KCND2: variants seen among roughly 807,000 people sequenced by gnomAD.
The protein encoded by KCND2 is A-type voltage-gated potassium channel KCND2.
KCND2 carries 16 observed loss-of-function variants against 54.4 expected under a neutral mutation model. The observed-to-expected ratio is 0.29, with a 90% CI of 0.20 to 0.45. The LOEUF is 0.45. Ranked by LOEUF, KCND2 falls within the 20% of genes least tolerant of loss-of-function variation. The pLI, the probability that KCND2 is intolerant of heterozygous loss-of-function variation, is 1.00. For synonymous variants in KCND2, 317 were observed against 310.7 expected (o/e 1.02, Z -0.21); for missense variants, 486 against 824.2 (o/e 0.59, Z 5.02).
At chr7:120,358,402 A>G (rs1277488206) in intron 1 of KCND2, among the ~76,000 whole-genome samples, 1 of 152,152 alleles carries the variant, frequency 6.6e-6, no homozygotes, top group East Asian at 1.9e-4. Context: ...GTGAAACTAA[A>G]ATGATCTGTT....
At chr7:120,493,391 T>A (rs1802810688) in intron 1 of KCND2, among the ~76,000 whole-genome samples, 2 of 152,134 alleles carry the variant, frequency 1.3e-5, no homozygotes, top group East Asian at 3.9e-4. Context: ...AATTGAATTA[T>A]GATACTAATC....
At chr7:120,709,624 A>G (rs1336997649) in intron 1 of KCND2, among the ~76,000 whole-genome samples, 2 of 152,174 alleles carry the variant, frequency 1.3e-5, no homozygotes, top group Admixed American at 6.5e-5. Flanking sequence ...AAGTAACAGG[A>G]GTAAGAAAAC....
chr7:120,692,381 CTTTT>C (rs889608786), intron 1 of KCND2, among the ~76,000 whole-genome samples: 1 of 151,992 alleles, frequency 6.6e-6, no homozygotes, highest in Non-Finnish European at 1.5e-5. Flanking sequence ...TTAATACAAA[CTTTT>C]TTTTAGTTAT....
intron 1 of KCND2, among the ~76,000 whole-genome samples, chr7:120,334,032 G>A (rs773922221): frequency 1.3e-5 from 2 of 152,020 alleles, no homozygotes. Context: ...ATAGAAATTG[G>A]GTTCTTGAGG....
chr7:120,541,151 T>G (rs776119929), intron 1 of KCND2, among the ~76,000 whole-genome samples: 18 of 152,190 alleles, frequency 1.2e-4, no homozygotes, highest in Non-Finnish European at 2.1e-4. Flanking sequence ...TGTTATTAGA[T>G]TCAAAAATCA....
At chr7:120,566,791 A>G (rs1792304330) in intron 1 of KCND2, among the ~76,000 whole-genome samples, 1 of 151,578 alleles carries the variant, frequency 6.6e-6, no homozygotes, top group East Asian at 1.9e-4. Context: ...TATCCCCCAT[A>G]TATTTATTAT....
chr7:120,275,890 A>T, intron 1 of KCND2, 143 bp downstream of exon 1: 1 of 905,816 alleles, frequency 1.1e-6, no homozygotes, highest in African/African-American at 1.7e-5. Context: ...GGTTTGGCAA[A>T]ACTCTTTTCA....
intron 1 of KCND2, among the ~76,000 whole-genome samples, chr7:120,643,784 C>A (rs1351672163): frequency 6.6e-6 from 1 of 150,786 alleles, no homozygotes; most frequent in Non-Finnish European, 1.5e-5. Flanking sequence ...ACTATTTTAA[C>A]CATGAGTGAA....
chr7:120,621,276 C>CAAAAAAAAAAAAAAAAAAAA (rs1175736454), intron 1 of KCND2, among the ~76,000 whole-genome samples: 2 of 47,192 alleles, frequency 4.2e-5, no homozygotes, highest in African/African-American at 1.4e-4. Flanking sequence ...GACTCCGTCT[C>CAAAAAAAAAAAAAAAAAAAA]AAAAAAAAAA....
intron 1 of KCND2, among the ~76,000 whole-genome samples, chr7:120,504,527 T>A (rs1802986971): frequency 1.3e-5 from 2 of 151,916 alleles, no homozygotes; most frequent in African/African-American, 4.8e-5. Flanking sequence ...TAATTGTTAG[T>A]TGGTTTTAAT....
At chr7:120,463,197 G>T (rs1003793898) in intron 1 of KCND2, among the ~76,000 whole-genome samples, 1 of 151,756 alleles carries the variant, frequency 6.6e-6, no homozygotes, top group African/African-American at 2.4e-5. Flanking sequence ...TTAAACCTTG[G>T]CAAGTATATT....
intron 1 of KCND2, among the ~76,000 whole-genome samples, chr7:120,623,349 C>T (rs142620500): frequency 6.8e-4 from 104 of 152,262 alleles, no homozygotes; most frequent in African/African-American, 2.4e-3. Flanking sequence ...TCCCCTATCC[C>T]CTACAACTTT....
intron 1 of KCND2, among the ~76,000 whole-genome samples, chr7:120,609,000 T>C (rs1488747981): frequency 6.6e-6 from 1 of 152,128 alleles, no homozygotes; most frequent in African/African-American, 2.4e-5. Context: ...CAAGAAAATA[T>C]GTCTCTTTGT....
In KCND2 at chr7:120,650,870, T is replaced by A. The variant is rs1328270155; in HGVS notation, c.1116-82033T>A. 1.4e-5 allele frequency among the ~76,000 whole-genome samples: 2 copies of A among 143,788 alleles called. 1 individual carries two copies. Among genetic ancestry groups the A allele is most frequent in the African/African-American group, 5.4e-5 (2 of 36,732 alleles). The allele number at this position is 143,788 out of a possible 152,430, so 94.3% of individuals were successfully genotyped here. On this transcript the variant is annotated intron_variant, in intron 1 of 5. Transcript: ENST00000331113. ...CAGCTGCAGGTCTGTTGGAGTTTGCTGGAGGTCCACTCCAGACCCTGTTTG... is the reference window on the plus strand; with the variant it reads ...CAGCTGCAGGTCTGTTGGAGTTTGCAGGAGGTCCACTCCAGACCCTGTTTG...
chr7:120,434,115 C>T (rs573734441), intron 1 of KCND2, among the ~76,000 whole-genome samples: 11 of 152,128 alleles, frequency 7.2e-5, no homozygotes, highest in Non-Finnish European at 1.6e-4. Flanking sequence ...CAAATCCAAA[C>T]TTGCTTTATT....
intron 1 of KCND2, among the ~76,000 whole-genome samples, chr7:120,348,960 T>C (rs1205513667): frequency 6.6e-6 from 1 of 152,114 alleles, no homozygotes; most frequent in African/African-American, 2.4e-5. Context: ...GGGCTCATAA[T>C]AATATACCAA....
At chr7:120,702,314 A>G (rs1019876511) in intron 1 of KCND2, among the ~76,000 whole-genome samples, 3 of 152,212 alleles carry the variant, frequency 2.0e-5, no homozygotes, top group Non-Finnish European at 2.9e-5. Flanking sequence ...AGGTTGCAGA[A>G]AAAAGGAATG....
chr7:120,382,099 G>C (rs957418486), intron 1 of KCND2, among the ~76,000 whole-genome samples: 1 of 151,734 alleles, frequency 6.6e-6, no homozygotes, highest in African/African-American at 2.4e-5. Context: ...AGCTTATTTG[G>C]AAGCATATTC....
At chr7:120,283,722 A>G (rs150240638) in intron 1 of KCND2, among the ~76,000 whole-genome samples, 108 of 152,288 alleles carry the variant, frequency 7.1e-4, no homozygotes, top group African/African-American at 2.6e-3. Context: ...ATAGTTGTCA[A>G]TTGTAATATT....
Sources: gnomAD v4.1 joint callset for allele counts (sites outside exome capture counted in the v4.1 genomes callset) on GRCh38, gnomAD v4.1.1 for gene constraint, MANE v1.5 for transcripts, NCBI Gene and HGNC (gene_info 2026-07-23, HGNC 2026-07-21) for gene names.